Variants in OSTF1 observed in about 807,000 individuals in gnomAD.
OSTF1 encodes the protein osteoclast-stimulating factor 1.
A neutral mutation model predicts 37.2 loss-of-function variants in OSTF1; 27 were observed. The observed-to-expected ratio is 0.73, with a 90% confidence interval of 0.54 to 1.00. The LOEUF is 1.00. OSTF1 is among the 50% of genes least tolerant of loss of function. The pLI is 0.00. For synonymous variants in OSTF1, 82 were observed against 89.2 expected (o/e 0.92, Z 0.46); for missense variants, 232 against 253.8 (o/e 0.91, Z 0.58).
chr9:75,133,011 A>C (rs7026023), intron 5 of OSTF1, among the ~76,000 whole-genome samples: 116 of 28,016 alleles, frequency 4.1e-3, no homozygotes, highest in East Asian at 7.0e-3. Flanking sequence ...ACACACACAC[A>C]CCCCTATATA....
chr9:75,097,788 G>A (rs1825114019), intron 1 of OSTF1, among the ~76,000 whole-genome samples: 3 of 148,812 alleles, frequency 2.0e-5, no homozygotes. Flanking sequence ...AGCTCCATTA[G>A]CACCAATTTT....
At chr9:75,137,698 G>C (rs1320154406) in intron 8 of OSTF1, 82 bp downstream of exon 8, 21 of 854,666 alleles carry the variant, frequency 2.5e-5, no homozygotes, top group Non-Finnish European at 2.8e-5. Context: ...GAAATGGTAG[G>C]AAGAATAATA....
At chr9:75,110,626 A>G (rs547051515) in intron 1 of OSTF1, among the ~76,000 whole-genome samples, 192 of 152,280 alleles carry the variant, frequency 1.3e-3, no homozygotes, top group Non-Finnish European at 2.4e-3. Flanking sequence ...TCTATTACAG[A>G]TGGCCAGGGG....
intron 1 of OSTF1, among the ~76,000 whole-genome samples, chr9:75,116,361 CATTT>C (rs1280965610): frequency 6.6e-6 from 1 of 152,078 alleles, no homozygotes; most frequent in African/African-American, 2.4e-5. Context: ...ATTTAGCAAA[CATTT>C]ATTAAGTTCT....
chr9:75,113,769 C>T (rs1825433518), intron 1 of OSTF1, among the ~76,000 whole-genome samples: 1 of 152,116 alleles, frequency 6.6e-6, no homozygotes, highest in African/African-American at 2.4e-5. Context: ...AGCTAATTAA[C>T]ATGTGTTACC....
intron 7 of OSTF1, among the ~76,000 whole-genome samples, chr9:75,137,175 C>T (rs1455154213): frequency 6.6e-6 from 1 of 152,136 alleles, no homozygotes; most frequent in East Asian, 1.9e-4. Flanking sequence ...CTCTGTTTTC[C>T]CACCCATGCC....
rs1174174895 is a variant in OSTF1, at chr9:75,128,363, CATATATATATATATATATATATAT to C, written c.132+765_132+788del. Among the ~76,000 whole-genome samples, 27 of 11,520 alleles carry C rather than the reference CATATATATATATATATATATATAT, an allele frequency of 2.3e-3. 2 individuals carry two copies. The highest frequency in any genetic ancestry group is 0.012 in the South Asian group (4 of 330). The allele number at this position is 11,520 out of a possible 152,430, so 7.6% of individuals were successfully genotyped here. Reference sequence around the variant, plus strand: ...GTAGAATATGGATATGTATGAAAGACATATATATATATATATATATATATATATATATATATATATATATTTTGT... The same window carrying C: ...GTAGAATATGGATATGTATGAAAGACATATATATATATATATATATTTTGT... On this transcript the variant is annotated intron_variant, in intron 3 of 9. Transcript: ENST00000346234.
At chr9:75,124,088 A>T (rs948943892) in intron 2 of OSTF1, among the ~76,000 whole-genome samples, 1 of 152,176 alleles carries the variant, frequency 6.6e-6, no homozygotes, top group Non-Finnish European at 1.5e-5. Flanking sequence ...TACTTTTTTT[A>T]AAAAATTGAG....
At chr9:75,111,631 T>C (rs1452432946) in intron 1 of OSTF1, among the ~76,000 whole-genome samples, 1 of 152,136 alleles carries the variant, frequency 6.6e-6, no homozygotes, top group Admixed American at 6.5e-5. Flanking sequence ...AGGTTATTTA[T>C]ATAGTCTTCT....
chr9:75,127,039 A>G (rs1825673106), intron 2 of OSTF1, among the ~76,000 whole-genome samples: 1 of 152,170 alleles, frequency 6.6e-6, no homozygotes, highest in South Asian at 2.1e-4. Context: ...TAATGGTTGA[A>G]TTACATATTA....
In OSTF1 at chr9:75,089,016, C is replaced by G. The variant is rs556100444; in HGVS notation, c.34+290C>G. 8.2e-4 allele frequency among the ~76,000 whole-genome samples: 125 copies of G among 152,232 alleles called. 1 individual carries two copies. Among genetic ancestry groups the G allele is most frequent in the Non-Finnish European group, 4.4e-5 (3 of 68,004 alleles). The stretch of plus-strand genomic sequence containing the variant: ...CTGAAACTTTCAGAGGGTGTGATGG[C>G]AACGTCCCATGGAAGTTTTCCGGAA... On this transcript the variant is annotated intron_variant, in intron 1 of 9. Coordinates refer to ENST00000346234, the MANE Select transcript of OSTF1 (RefSeq NM_012383.5).
chr9:75,093,142 C>T (rs1292504111), intron 1 of OSTF1, among the ~76,000 whole-genome samples: 2 of 146,806 alleles, frequency 1.4e-5, no homozygotes, highest in African/African-American at 5.2e-5. Flanking sequence ...CAGTCTTCTT[C>T]CTTCCTGAGC....
At chr9:75,119,188 G>A (rs1825540054) in intron 2 of OSTF1, among the ~76,000 whole-genome samples, 1 of 152,234 alleles carries the variant, frequency 6.6e-6, no homozygotes, top group African/African-American at 2.4e-5. Context: ...GATTCCTCAT[G>A]TGAAAGTGGG....
intron 1 of OSTF1, among the ~76,000 whole-genome samples, chr9:75,089,439 G>A (rs1824904698): frequency 6.6e-6 from 1 of 151,928 alleles, no homozygotes; most frequent in Non-Finnish European, 1.5e-5. Context: ...CAGTTTTCTG[G>A]GCGGATTGTC....
chr9:75,127,994 GT>G (rs1249407483), intron 3 of OSTF1, among the ~76,000 whole-genome samples: 1 of 151,418 alleles, frequency 6.6e-6, no homozygotes, highest in Non-Finnish European at 1.5e-5. Context: ...GCAGACACTT[GT>G]TTTTCTCAAT....
chr9:75,118,712 C>G (rs565041577), intron 2 of OSTF1, among the ~76,000 whole-genome samples: 2 of 152,216 alleles, frequency 1.3e-5, no homozygotes, highest in East Asian at 3.9e-4. Context: ...TGGCAGCAGA[C>G]AAGAGAGAAT....
rs201081623 is a variant in OSTF1, at chr9:75,131,796, A to G, written c.223A>G (p.Asn75Asp). Residue 75 changes from asparagine (N) to aspartate (D), a missense_variant, in exon 5 of 10, where the codon AAT (asparagine) becomes GAT (aspartate). Transcript: ENST00000346234. Reference protein sequence around the residue: ...YVAEQAESIDNPLHEAAKRGN... With the variant: ...YVAEQAESIDDPLHEAAKRGN... ...GGCTGAGCAGGCAGAATCCATTGAC[A>G]ATCCATTGCATGAAGCAGCAAAAAG... The G allele has an allele frequency of 6.2e-7, 1 of 1,613,694 alleles. No homozygotes were observed. Among genetic ancestry groups the G allele is most frequent in the Non-Finnish European group, 8.5e-7 (1 of 1,179,696 alleles).
At chr9:75,090,116 C>G (rs1014339549) in intron 1 of OSTF1, among the ~76,000 whole-genome samples, 2 of 152,192 alleles carry the variant, frequency 1.3e-5, no homozygotes, top group African/African-American at 2.4e-5. Context: ...AGGTGCAAAT[C>G]AGGACCTTAA....
At chr9:75,108,031 G>A (rs1360435901) in intron 1 of OSTF1, among the ~76,000 whole-genome samples, 1 of 152,048 alleles carries the variant, frequency 6.6e-6, no homozygotes, top group East Asian at 1.9e-4. Context: ...GAAGCCACGA[G>A]TTTGAGATCA....
Sources: allele counts gnomAD v4.1 joint callset (sites outside exome capture counted in the v4.1 genomes callset), GRCh38; gene constraint gnomAD v4.1.1; transcripts MANE v1.5; gene names NCBI Gene and HGNC (gene_info 2026-07-23, HGNC 2026-07-21).